The following RHOT1 variants were observed in gnomAD, a reference collection of about 807,000 sequenced individuals.
RHOT1 encodes the protein ras homolog family member T1.
RHOT1 carries 27 observed loss-of-function variants against 95.3 expected under a neutral mutation model. The ratio of observed to expected loss-of-function variants is 0.28; its 90% CI spans 0.21 to 0.39. The LOEUF (loss-of-function observed/expected upper bound fraction) is 0.39. RHOT1 is among the 10% of genes least tolerant of loss of function. The probability of loss-of-function intolerance (pLI) is 1.00; values close to 1 mark genes in which losing one functional copy is unlikely to be tolerated. For synonymous variants in RHOT1, 227 were observed against 263.5 expected (o/e 0.86, Z 1.34); for missense variants, 578 against 786.7 (o/e 0.73, Z 3.17).
chr17:32,194,926 A>T (rs1486427544), intron 11 of RHOT1, among the ~76,000 whole-genome samples: 1 of 150,210 alleles, frequency 6.7e-6, no homozygotes, highest in African/African-American at 2.5e-5. Flanking sequence ...ACCGCGTTTA[A>T]GCGATTCTTC....
At chr17:32,151,748 G>A (rs147306980) in intron 1 of RHOT1, among the ~76,000 whole-genome samples, 1 of 152,022 alleles carries the variant, frequency 6.6e-6, no homozygotes, top group Non-Finnish European at 1.5e-5. Flanking sequence ...CGGGCATGGT[G>A]GTGGGCGCCT....
chr17:32,147,839 A>G (rs1010807984), intron 1 of RHOT1, among the ~76,000 whole-genome samples: 7 of 151,834 alleles, frequency 4.6e-5, no homozygotes, highest in African/African-American at 1.7e-4. Flanking sequence ...AAAAAGATTA[A>G]ACTGCTCCAG....
intron 1 of RHOT1, chr17:32,143,016 C>A (rs1396878634): frequency 1.4e-6 from 1 of 704,744 alleles, no homozygotes; most frequent in Non-Finnish European, 2.7e-6. Flanking sequence ...TTAGCCCTAA[C>A]CGCCCGACCT....
At chr17:32,210,835 T>C (rs1210813355) in intron 18 of RHOT1, among the ~76,000 whole-genome samples, 2 of 152,086 alleles carry the variant, frequency 1.3e-5, no homozygotes, top group Non-Finnish European at 2.9e-5. Context: ...TCCACAAAAA[T>C]TCATGTAATA....
intron 11 of RHOT1, among the ~76,000 whole-genome samples, chr17:32,198,291 C>T (rs2037053525): frequency 1.3e-5 from 2 of 152,294 alleles, no homozygotes; most frequent in Middle Eastern, 3.4e-3. Context: ...ATTTTCAACT[C>T]ATTACAATAT....
chr17:32,148,709 G>A lies in RHOT1; in HGVS notation c.37+5980G>A, dbSNP rs35041231. Among the ~76,000 whole-genome samples the A allele has an allele frequency of 6.5e-3, 989 of 152,268 alleles. 14 individuals carry two copies. Among genetic ancestry groups the A allele is most frequent in the African/African-American group, 0.022 (898 of 41,556 alleles). On this transcript the variant is annotated intron_variant, in intron 1 of 19. Transcript: ENST00000545287. ...CAATAACTTAGGAAGAGCCAACAAC[G>A]CTTCTTACTAAAGAAACATAAAAAT...
At chr17:32,196,331 C>T (rs2036886310) in intron 11 of RHOT1, among the ~76,000 whole-genome samples, 1 of 152,154 alleles carries the variant, frequency 6.6e-6, no homozygotes, top group African/African-American at 2.4e-5. Context: ...GCTGGGACTA[C>T]AGGCACATGG....
chr17:32,192,399 G>A (rs901192570), intron 9 of RHOT1, 100 bp downstream of exon 9: 1 of 678,632 alleles, frequency 1.5e-6, no homozygotes, highest in Admixed American at 3.1e-5. Flanking sequence ...AGAACAGTAT[G>A]TTATAAACAT....
At chr17:32,152,839 G>A (rs143369362) in intron 1 of RHOT1, among the ~76,000 whole-genome samples, 1,532 of 151,208 alleles carry the variant, frequency 0.01, 30 homozygotes, top group African/African-American at 0.035. Context: ...GGCCTCACTC[G>A]GTTGTCCAGG....
chr17:32,182,616 T>G (rs1424976479), intron 6 of RHOT1, 141 bp from the exon 7 acceptor site: 2 of 581,248 alleles, frequency 3.4e-6, no homozygotes, highest in Non-Finnish European at 3.0e-6. Context: ...TCTAGGGGGC[T>G]CAACCTGACT....
chr17:32,149,728 CAT>C (rs985425160), intron 1 of RHOT1, among the ~76,000 whole-genome samples: 34 of 141,076 alleles, frequency 2.4e-4, no homozygotes, highest in African/African-American at 7.0e-4. Context: ...TATATATACA[CAT>C]ATATATACAC....
intron 14 of RHOT1, among the ~76,000 whole-genome samples, chr17:32,202,189 C>T (rs2037373923): frequency 1.3e-5 from 2 of 152,212 alleles, no homozygotes; most frequent in African/African-American, 2.4e-5. Context: ...GGATTACACG[C>T]GTGAGCCACT....
At chr17:32,200,854 T>C in intron 13 of RHOT1, 102 bp from the exon 14 acceptor site, 1 of 741,952 alleles carries the variant, frequency 1.3e-6, no homozygotes, top group Non-Finnish European at 2.3e-6. Context: ...AGACAAAAAT[T>C]ATCTAGGTCT....
rs192423443 is a variant in RHOT1 at position 32,181,518 on chromosome 17, T to A, written c.330-1239T>A. Among the ~76,000 whole-genome samples the A allele has an allele frequency of 7.9e-5, 12 of 152,350 alleles. No homozygotes were observed. In the East Asian group the frequency reaches 2.1e-3, roughly 27 times the overall value. On this transcript the variant is annotated intron_variant, in intron 6 of 19. Coordinates refer to ENST00000545287, the MANE Select transcript of RHOT1 (RefSeq NM_001033566.3). ...CTGTCACTAGTCCAAGTTACTATTA[T>A]ATTTTTTAAAATTTTCACTAAGAAA...
intron 19 of RHOT1, among the ~76,000 whole-genome samples, chr17:32,224,340 T>C (rs2039015103): frequency 6.6e-6 from 1 of 152,246 alleles, no homozygotes; most frequent in South Asian, 2.1e-4. Flanking sequence ...CTAACTTCTT[T>C]ATTTCCTGTG....
chr17:32,165,199 C>T (rs369806695), intron 1 of RHOT1, among the ~76,000 whole-genome samples: 10 of 151,272 alleles, frequency 6.6e-5, no homozygotes, highest in South Asian at 6.3e-4. Context: ...TAGCTGGGCA[C>T]GGTGGCAGGT....
intron 1 of RHOT1, among the ~76,000 whole-genome samples, chr17:32,158,053 G>A (rs941029253): frequency 3.3e-5 from 5 of 152,002 alleles, no homozygotes; most frequent in Admixed American, 6.6e-5. Context: ...ACAGAATCTC[G>A]CCACATTGCC....
chr17:32,145,375 T>C (rs1488138142), intron 1 of RHOT1, among the ~76,000 whole-genome samples: 1 of 152,156 alleles, frequency 6.6e-6, no homozygotes, highest in Non-Finnish European at 1.5e-5. Flanking sequence ...TTAAATTAAA[T>C]TGAGATATAT....
rs760228786 is a variant in RHOT1 at position 32,146,427 on chromosome 17, G to A, written c.37+3698G>A. On this transcript the variant is annotated intron_variant, in intron 1 of 19. Transcript: ENST00000545287. ...GTCATAAAAATTTGATCATTTTTCT[G>A]TATTATTATTATTATTATTTTTATT... Among the ~76,000 whole-genome samples the A allele has an allele frequency of 7.9e-4, 119 of 151,540 alleles. 1 individual carries two copies. Among genetic ancestry groups the A allele is most frequent in the Admixed American group, 1.9e-3 (29 of 15,192 alleles).
Sources: allele counts gnomAD v4.1 joint callset (sites outside exome capture counted in the v4.1 genomes callset), GRCh38; gene constraint gnomAD v4.1.1; transcripts MANE v1.5; gene names NCBI Gene and HGNC (gene_info 2026-07-23, HGNC 2026-07-21).